The following WDR41 variants were observed in gnomAD, a reference collection of about 807,000 sequenced individuals.
The protein encoded by WDR41 is WD repeat-containing protein 41.
In WDR41, 63 loss-of-function variants were observed where a neutral mutation model predicts 69.3. That is an observed-to-expected ratio of 0.91 (90% CI 0.74 to 1.12). The LOEUF is 1.12. WDR41 is among the 50% of genes most tolerant of loss of function. WDR41 has a pLI of 0.00. For synonymous variants in WDR41, 185 were observed against 192.1 expected (o/e 0.96, Z 0.31); for missense variants, 543 against 534.5 (o/e 1.02, Z -0.16).
Position 77,437,318 on chromosome 5 carries a change from T to C in WDR41, c.1093+18A>G, listed in dbSNP as rs765318184. The C allele has an allele frequency of 2.5e-6, 4 of 1,610,508 alleles. No homozygotes were observed. The highest frequency in any genetic ancestry group is 1.7e-5 in the Admixed American group (1 of 59,988). On this transcript the variant is annotated intron_variant, in intron 11 of 12. Transcript: ENST00000296679. ...AAAAGGAGAGAAAAAGACTACCTTTTTGAGAGAAGACACACACCTGTTGGT... is the reference window on the plus strand; with the variant it reads ...AAAAGGAGAGAAAAAGACTACCTTTCTGAGAGAAGACACACACCTGTTGGT...
intron 1 of WDR41, among the ~76,000 whole-genome samples, chr5:77,598,751 C>G (rs1290595695): frequency 6.7e-6 from 1 of 149,410 alleles, no homozygotes; most frequent in Non-Finnish European, 1.5e-5. Flanking sequence ...ATAGGCTCAA[C>G]CTAGATTTGC....
intron 12 of WDR41, among the ~76,000 whole-genome samples, chr5:77,434,183 T>A (rs1158092207): frequency 6.6e-6 from 1 of 151,732 alleles, no homozygotes; most frequent in Admixed American, 6.6e-5. Context: ...ATTAGCTGGG[T>A]ATCTGTAATC....
At chr5:77,619,401 G>C (rs943243067) in intron 1 of WDR41, among the ~76,000 whole-genome samples, 1 of 152,054 alleles carries the variant, frequency 6.6e-6, no homozygotes, top group Non-Finnish European at 1.5e-5. Flanking sequence ...CCCACACTCA[G>C]GTTTCATTGT....
At chr5:77,596,982 CA>C (rs1188582889) in intron 1 of WDR41, among the ~76,000 whole-genome samples, 1 of 151,784 alleles carries the variant, frequency 6.6e-6, no homozygotes, top group Non-Finnish European at 1.5e-5. Flanking sequence ...TTTAGCCAGG[CA>C]TAGTAGTGCA....
chr5:77,462,967 C>A, intron 4 of WDR41, 128 bp downstream of exon 4: 1 of 1,008,926 alleles, frequency 9.9e-7, no homozygotes, highest in Non-Finnish European at 1.4e-6. Context: ...TTATAAGTAA[C>A]AGAACAAAAA....
At chr5:77,434,396 G>T (rs527753947) in intron 12 of WDR41, among the ~76,000 whole-genome samples, 1 of 152,224 alleles carries the variant, frequency 6.6e-6, no homozygotes, top group South Asian at 2.1e-4. Flanking sequence ...ATGCAGGAGT[G>T]AAGGGAGGAA....
chr5:77,516,638 C>A (rs1425704333), intron 1 of WDR41, among the ~76,000 whole-genome samples: 2 of 152,128 alleles, frequency 1.3e-5, no homozygotes, highest in East Asian at 3.8e-4. Flanking sequence ...TGTATTATGA[C>A]CCAAGACAAT....
At chr5:77,443,871 CA>C (rs1799269086) in intron 8 of WDR41, among the ~76,000 whole-genome samples, 1 of 133,354 alleles carries the variant, frequency 7.5e-6, no homozygotes, top group African/African-American at 2.7e-5. Flanking sequence ...TCAGCTCAAT[CA>C]GCACTTTTTT....
chr5:77,442,138 T>C (rs1799190228), intron 8 of WDR41, among the ~76,000 whole-genome samples: 1 of 152,188 alleles, frequency 6.6e-6, no homozygotes, highest in Admixed American at 6.5e-5. Flanking sequence ...TGCTAATATG[T>C]ATCAAAACCT....
At chr5:77,558,335 A>C (rs936335944) in intron 1 of WDR41, among the ~76,000 whole-genome samples, 1 of 152,196 alleles carries the variant, frequency 6.6e-6, no homozygotes, top group Admixed American at 6.5e-5. Flanking sequence ...GAAAAATAGA[A>C]AAGGAAATTG....
intron 1 of WDR41, chr5:77,499,728 C>T (rs1299378198): frequency 6.6e-6 from 1 of 152,062 alleles, no homozygotes; most frequent in Non-Finnish European, 1.5e-5. Context: ...GAAAGCAACC[C>T]CAATTACTTT....
At chr5:77,485,638 A>G (rs1801483054) in intron 2 of WDR41, among the ~76,000 whole-genome samples, 1 of 152,220 alleles carries the variant, frequency 6.6e-6, no homozygotes, top group African/African-American at 2.4e-5. Context: ...ACGCTAGAGT[A>G]TTACATGAAA....
intron 2 of WDR41, among the ~76,000 whole-genome samples, chr5:77,483,687 A>T (rs889426031): frequency 6.6e-6 from 1 of 152,274 alleles, no homozygotes; most frequent in South Asian, 2.1e-4. Context: ...TAATTCTATC[A>T]TTCTTCCTAG....
At chr5:77,606,282 G>A (rs554769983) in intron 1 of WDR41, among the ~76,000 whole-genome samples, 1 of 152,286 alleles carries the variant, frequency 6.6e-6, no homozygotes, top group South Asian at 2.1e-4. Context: ...TGGTCATAAG[G>A]TGTCTGATAA....
chr5:77,469,799 T>C (rs1581732418), intron 2 of WDR41, among the ~76,000 whole-genome samples: 1 of 152,240 alleles, frequency 6.6e-6, no homozygotes, highest in East Asian at 1.9e-4. Flanking sequence ...AATCTACGTC[T>C]GATTGGTGTA....
intron 1 of WDR41, chr5:77,491,832 T>C (rs996316797): frequency 3.0e-6 from 1 of 338,050 alleles, no homozygotes; most frequent in Non-Finnish European, 5.4e-6. Flanking sequence ...GAAATGAAGA[T>C]AGTTTCGGTA....
chr5:77,445,454 G>T (rs558618991), intron 8 of WDR41, among the ~76,000 whole-genome samples: 3 of 152,060 alleles, frequency 2.0e-5, no homozygotes, highest in Non-Finnish European at 2.9e-5. Context: ...ACCAAAACCA[G>T]GAAGAGACAC....
At chr5:77,455,047 T>C (rs1393030014) in intron 5 of WDR41, among the ~76,000 whole-genome samples, 2 of 152,214 alleles carry the variant, frequency 1.3e-5, no homozygotes, top group Non-Finnish European at 2.9e-5. Context: ...CTGGGTCAAA[T>C]GATAATTCTG....
chr5:77,433,930 A>G (rs1038365487), intron 12 of WDR41, among the ~76,000 whole-genome samples: 2 of 152,248 alleles, frequency 1.3e-5, no homozygotes, highest in African/African-American at 4.8e-5. Flanking sequence ...AAGAATAGGA[A>G]AACAGAGTGT....
Sources: allele counts gnomAD v4.1 joint callset (sites outside exome capture counted in the v4.1 genomes callset), GRCh38; gene constraint gnomAD v4.1.1; transcripts MANE v1.5; gene names NCBI Gene and HGNC (gene_info 2026-07-23, HGNC 2026-07-21).